ANKS1B: variants seen among roughly 807,000 people sequenced by gnomAD.
ANKS1B encodes ankyrin repeat and sterile alpha motif domain-containing protein 1B.
A neutral mutation model predicts 148.3 loss-of-function variants in ANKS1B; 36 were observed. That is an observed-to-expected ratio of 0.24 (90% CI 0.19 to 0.32). ANKS1B has a LOEUF of 0.32. Ranked by LOEUF, ANKS1B falls within the 10% of genes least tolerant of loss-of-function variation. ANKS1B has a pLI of 1.00. For missense variants in ANKS1B, 1,157 were observed against 1,542.6 expected (o/e 0.75, Z 4.19); for synonymous variants, 542 against 560.8 (o/e 0.97, Z 0.47).
In ANKS1B at chr12:99,494,362, T is replaced by G. The variant is rs140391241; in HGVS notation, c.1438+10114A>C. Among the ~76,000 whole-genome samples the G allele has an allele frequency of 7.9e-3, 1,195 of 152,084 alleles. 12 individuals carry two copies. Among genetic ancestry groups the G allele is most frequent in the African/African-American group, 0.027 (1,112 of 41,488 alleles). On this transcript the variant is annotated intron_variant, in intron 10 of 26. Coordinates refer to ENST00000683438, the MANE Select transcript of ANKS1B (RefSeq NM_001352186.2). The stretch of plus-strand genomic sequence containing the variant: ...AGTCGTCAGGTGGGATCAAGGAAGT[T>G]TTCATTTATTGTTTAGTTGTTTTTG...
intron 1 of ANKS1B, among the ~76,000 whole-genome samples, chr12:99,924,942 A>G (rs182613907): frequency 6.6e-6 from 1 of 152,168 alleles, no homozygotes; most frequent in East Asian, 1.9e-4. Context: ...TCACTACTAG[A>G]TGCAGTATAA....
At chr12:99,275,276 T>A (rs989984045) in intron 12 of ANKS1B, among the ~76,000 whole-genome samples, 1 of 152,200 alleles carries the variant, frequency 6.6e-6, no homozygotes, top group Non-Finnish European at 1.5e-5. Flanking sequence ...TGTTGTGCTA[T>A]CAAATACTAG....
chr12:99,937,606 T>C (rs2094811624), intron 1 of ANKS1B, among the ~76,000 whole-genome samples: 1 of 152,144 alleles, frequency 6.6e-6, no homozygotes, highest in Admixed American at 6.6e-5. Context: ...GTTGCTAGTC[T>C]TTCCTGACAA....
intron 12 of ANKS1B, among the ~76,000 whole-genome samples, chr12:99,302,625 A>G (rs892273331): frequency 6.6e-6 from 1 of 152,120 alleles, no homozygotes; most frequent in African/African-American, 2.4e-5. Flanking sequence ...CTTGAAAGAG[A>G]AAAATTCATC....
intron 8 of ANKS1B, among the ~76,000 whole-genome samples, chr12:99,697,293 A>G (rs1334101491): frequency 1.3e-5 from 2 of 152,204 alleles, no homozygotes; most frequent in Non-Finnish European, 2.9e-5. Flanking sequence ...GAATGTTTAT[A>G]GCAGCTTTAT....
At chr12:99,810,229 C>T (rs2068164449) in intron 3 of ANKS1B, among the ~76,000 whole-genome samples, 1 of 151,920 alleles carries the variant, frequency 6.6e-6, no homozygotes, top group Non-Finnish European at 1.5e-5. Context: ...ATTATCAATT[C>T]AGAGGATTAT....
In ANKS1B at chr12:99,960,677, GC is replaced by G. The variant is rs1263385568; in HGVS notation, c.134+23426del. On this transcript the variant is annotated intron_variant, in intron 1 of 26. Transcript: ENST00000683438. ...AATGTCCTCAACTCAGGTGTTGGCG[GC>G]CCTTAGTCAACTAAGGGTTTGCGAA... Among the ~76,000 whole-genome samples the G allele has an allele frequency of 1.2e-4, 19 of 152,266 alleles. No homozygotes were observed. In the South Asian group the frequency reaches 2.5e-3, roughly 20 times the overall value.
intron 8 of ANKS1B, among the ~76,000 whole-genome samples, chr12:99,764,865 G>A (rs777860282): frequency 6.6e-6 from 1 of 152,168 alleles, no homozygotes; most frequent in African/African-American, 2.4e-5. Context: ...GAGGACCAGG[G>A]CTAGTTTTGA....
At chr12:98,819,752 A>C (rs2099169224) in intron 19 of ANKS1B, among the ~76,000 whole-genome samples, 1 of 152,154 alleles carries the variant, frequency 6.6e-6, no homozygotes, top group Non-Finnish European at 1.5e-5. Flanking sequence ...TTAACAGTAC[A>C]GTTGGTCATC....
At chr12:99,247,710 G>A (rs904027147) in intron 12 of ANKS1B, among the ~76,000 whole-genome samples, 12 of 152,054 alleles carry the variant, frequency 7.9e-5, no homozygotes, top group African/African-American at 2.9e-4. Context: ...CATGCTTTTT[G>A]CGACTTAATT....
At chr12:99,848,301 G>A (rs2087051625) in intron 1 of ANKS1B, among the ~76,000 whole-genome samples, 1 of 152,146 alleles carries the variant, frequency 6.6e-6, no homozygotes, top group Non-Finnish European at 1.5e-5. Context: ...AAGAATGGGG[G>A]CCAGGGACAG....
chr12:99,551,569 G>T, intron 9 of ANKS1B, among the ~76,000 whole-genome samples: 1 of 114,668 alleles, frequency 8.7e-6, no homozygotes. Context: ...GGAGGGGAGG[G>T]GAGAGGAAGA....
chr12:99,562,428 A>T (rs2097346163), intron 9 of ANKS1B, among the ~76,000 whole-genome samples: 1 of 152,228 alleles, frequency 6.6e-6, no homozygotes. Flanking sequence ...CCTACATGGC[A>T]TCTTTTTCCA....
At chr12:99,627,699 A>G (rs943322881) in intron 9 of ANKS1B, among the ~76,000 whole-genome samples, 4 of 152,288 alleles carry the variant, frequency 2.6e-5, no homozygotes, top group South Asian at 4.1e-4. Context: ...GATCATAAAC[A>G]TTTGTCAGAA....
intron 9 of ANKS1B, among the ~76,000 whole-genome samples, chr12:99,518,289 G>A (rs1416627982): frequency 6.6e-6 from 1 of 152,064 alleles, no homozygotes; most frequent in Non-Finnish European, 1.5e-5. Context: ...AGTAGGATTA[G>A]TATTAGTTCT....
intron 1 of ANKS1B, among the ~76,000 whole-genome samples, chr12:99,907,973 T>C (rs2093853358): frequency 1.3e-5 from 2 of 152,046 alleles, no homozygotes; most frequent in African/African-American, 4.8e-5. Context: ...GCAAATGTAG[T>C]GGTGTGGTTA....
rs1269883074 is a variant in ANKS1B at position 99,152,956 on chromosome 12, C to A, written c.2526+1333G>T. On this transcript the variant is annotated intron_variant, in intron 15 of 26. Coordinates refer to ENST00000683438, the MANE Select transcript of ANKS1B (RefSeq NM_001352186.2). Reference sequence around the variant, plus strand: ...CTTTCACTTTTTTCCATTTCAATACCCAAATATCTTGTCTATATAACCAGT... The same window carrying A: ...CTTTCACTTTTTTCCATTTCAATACACAAATATCTTGTCTATATAACCAGT... Among the ~76,000 whole-genome samples the A allele has an allele frequency of 2.0e-5, 3 of 151,914 alleles. No individual in the cohort carries two copies. The East Asian group carries it at 5.8e-4, about 29-fold the overall frequency.
chr12:99,954,383 A>G (rs2095280812), intron 1 of ANKS1B, among the ~76,000 whole-genome samples: 1 of 152,196 alleles, frequency 6.6e-6, no homozygotes, highest in African/African-American at 2.4e-5. Flanking sequence ...ATGCCTAACT[A>G]TATCAACTCC....
chr12:99,264,533 G>T (rs1331440264), intron 12 of ANKS1B, among the ~76,000 whole-genome samples: 1 of 152,094 alleles, frequency 6.6e-6, no homozygotes, highest in Non-Finnish European at 1.5e-5. Context: ...CTGGTTTCAT[G>T]CAGCGTTAGT....
Sources: gnomAD v4.1 joint callset for allele counts (sites outside exome capture counted in the v4.1 genomes callset) on GRCh38, gnomAD v4.1.1 for gene constraint, MANE v1.5 for transcripts, NCBI Gene and HGNC (gene_info 2026-07-23, HGNC 2026-07-21) for gene names.